Variants in FHL1 observed in about 807,000 individuals in gnomAD.
The protein encoded by FHL1 is four and a half LIM domains protein 1.
A neutral mutation model predicts 20.3 loss-of-function variants in FHL1; 1 was observed. The observed-to-expected ratio is 0.05, with a 90% CI of 0.02 to 0.23. The LOEUF (loss-of-function observed/expected upper bound fraction) is 0.23. FHL1 is among the 10% of genes least tolerant of loss of function. The pLI, the probability that FHL1 is intolerant of heterozygous loss-of-function variation, is 1.00. For synonymous variants in FHL1, 82 were observed against 88.9 expected (o/e 0.92, Z 0.44); for missense variants, 177 against 234.0 (o/e 0.76, Z 1.59).
chrX:136,187,700 G>T (rs944703239), intron 2 of FHL1, among the ~76,000 whole-genome samples: 2 of 111,389 alleles, frequency 1.8e-5, no homozygotes, highest in Non-Finnish European at 3.8e-5. Context: ...CCCACGGGGT[G>T]GGGGTGGGGT....
chrX:136,150,543 G>A (rs754311440), intron 1 of FHL1, among the ~76,000 whole-genome samples: 41 of 111,855 alleles, frequency 3.7e-4, no homozygotes, highest in Non-Finnish European at 7.1e-4. Context: ...GGGGTAAAAG[G>A]GAGTAGACTG....
rs772909951 is a variant in FHL1, at chrX:136,209,994, T to C, written c.860T>C (p.Val287Ala). 1 of 1,211,320 alleles carries C rather than the reference T, an allele frequency of 8.3e-7. No individual in the cohort carries two copies. The highest frequency in any genetic ancestry group is 1.8e-5 in the South Asian group (1 of 56,967). The change falls in exon 6 of 6, where the codon GTG (valine) becomes GCG (alanine). Residue 287 changes from valine (V) to alanine (A), a missense_variant. By Grantham distance (64) the Val-to-Ala change is moderately conservative (BLOSUM62 0). Coordinates refer to ENST00000370683, the MANE Select transcript of FHL1 (RefSeq NM_001159699.2). ...NKRFVFHQEQVYCPDCAKKL is the reference protein window; with the variant it reads ...NKRFVFHQEQAYCPDCAKKL ...CGCTTTGTTTTCCACCAGGAGCAAG[T>C]GTATTGTCCCGACTGTGCCAAAAAG...
upstream of FHL1, chrX:136,196,797 A>G: frequency 8.6e-7 from 1 of 1,166,027 alleles, no homozygotes; most frequent in Non-Finnish European, 1.1e-6. Context: ...TTATTCCGGT[A>G]CAGGGATGAC....
At chrX:136,170,114 C>T (rs2072822982) in intron 2 of FHL1, 4 of 275,394 alleles carry the variant, frequency 1.5e-5, no homozygotes, top group South Asian at 1.4e-4. Context: ...TTGACTCAAC[C>T]AATGTCACTG....
At chrX:136,168,267 G>A (rs1446932290), upstream of FHL1, 1 of 111,987 alleles carries the variant, frequency 8.9e-6, no homozygotes. Context: ...TGCACGAAAG[G>A]GTGTGGAATC....
chrX:136,169,182 T>C (rs2072790670), upstream of FHL1: 2 of 113,595 alleles, frequency 1.8e-5, no homozygotes, highest in Non-Finnish European at 3.7e-5. Flanking sequence ...GGTCGAGGGA[T>C]TGGGGGAGGA....
chrX:136,191,144 A>G (rs1344763144), intron 2 of FHL1, among the ~76,000 whole-genome samples: 1 of 111,580 alleles, frequency 9.0e-6, no homozygotes, highest in Non-Finnish European at 1.9e-5. Flanking sequence ...GTTTTCACAA[A>G]ACAGTGCCTG....
Position 136,206,502 on chromosome X carries a change from G to A in FHL1, c.118G>A (p.Gly40Ser), listed in dbSNP as rs772911535. 1 of 1,212,357 alleles carries A rather than the reference G, an allele frequency of 8.2e-7. No individual in the cohort carries two copies. Among genetic ancestry groups the A allele is most frequent in the Non-Finnish European group, 1.1e-6 (1 of 895,605 alleles). The part of the protein sequence containing the change: ...LQGKKYVQKD[G>S]HHCCLKCFDK... ...GGGGAAGAAGTATGTGCAAAAGGAT[G>A]GCCACCACTGCTGCCTGAAATGCTT... The change falls in exon 2 of 6, where the codon GGC becomes AGC. Residue 40 changes from glycine (G) to serine (S), a missense_variant. Physicochemically the swap from Gly to Ser is moderately conservative, Grantham distance 56. Transcript: ENST00000370683.
intron 1 of FHL1, among the ~76,000 whole-genome samples, chrX:136,162,172 G>T (rs1197650429): frequency 2.0e-5 from 2 of 99,906 alleles, no homozygotes; most frequent in Non-Finnish European, 4.0e-5. Context: ...AGCAAAGAAC[G>T]CCCATTCTAA....
chrX:136,179,064 C>T (rs1033731907), intron 2 of FHL1, among the ~76,000 whole-genome samples: 4 of 112,084 alleles, frequency 3.6e-5, no homozygotes, highest in Non-Finnish European at 5.6e-5. Context: ...GCCGATAGGA[C>T]CATTTCTGTA....
chrX:136,158,249 A>G (rs980540373), intron 1 of FHL1, among the ~76,000 whole-genome samples: 2 of 112,102 alleles, frequency 1.8e-5, no homozygotes, highest in African/African-American at 6.5e-5. Context: ...AGCTTTTCAT[A>G]TGCTGTTATT....
At chrX:136,196,802 G>C (rs771139347), upstream of FHL1, 5 of 1,166,551 alleles carry the variant, frequency 4.3e-6, no homozygotes, top group South Asian at 9.5e-5. Flanking sequence ...CCGGTACAGG[G>C]ATGACTTTCT....
chrX:136,207,180 C>T lies in FHL1; in HGVS notation c.369C>T (p.Ala123=), dbSNP rs757140452. Residue 123 remains alanine (A), a synonymous_variant, in exon 3 of 6, where the codon GCC becomes GCT. Transcript: ENST00000370683. ...CCAAGTGCAAGGGGTGCTTCAAGGC[C>T]ATTGTGGCAGGTACTGCCTCCTTCC... ...DSPKCKGCFK[A]IVAGDQNVEY... is the part of the protein sequence containing the mutation. The T allele has an allele frequency of 5.8e-6, 7 of 1,202,608 alleles. No individual in the cohort carries two copies. In the South Asian group the frequency reaches 1.3e-4, roughly 21 times the overall value.
intron 1 of FHL1, among the ~76,000 whole-genome samples, chrX:136,201,564 A>G (rs1336160127): frequency 9.0e-6 from 1 of 111,412 alleles, no homozygotes; most frequent in African/African-American, 3.3e-5. Context: ...GCTGAGCATC[A>G]GTTTCAGGTG....
At chrX:136,187,344 CA>C (rs1008215185) in intron 2 of FHL1, among the ~76,000 whole-genome samples, 73 of 108,801 alleles carry the variant, frequency 6.7e-4, no homozygotes, top group Non-Finnish European at 1.3e-3. Flanking sequence ...TAAACCCATG[CA>C]AAAAAAAGAA....
At chrX:136,165,724 C>T (rs929696834), upstream of FHL1, among the ~76,000 whole-genome samples, 2 of 111,911 alleles carry the variant, frequency 1.8e-5, no homozygotes, top group South Asian at 7.5e-4. Context: ...TTCTTTTCCA[C>T]GTAATTCACA....
At chrX:136,207,319 A>G (rs1318764033) in intron 3 of FHL1, 129 bp downstream of exon 3, 3 of 588,622 alleles carry the variant, frequency 5.1e-6, no homozygotes, top group Non-Finnish European at 8.1e-6. Context: ...ATATATGTAC[A>G]CATATACATA....
intron 1 of FHL1, among the ~76,000 whole-genome samples, chrX:136,157,882 T>G (rs1009918828): frequency 8.9e-6 from 1 of 111,995 alleles, no homozygotes; most frequent in Non-Finnish European, 1.9e-5. Context: ...TGAAGAGAAA[T>G]TACAGCCAAG....
At chrX:136,209,334 T>C in intron 5 of FHL1, 1 of 1,211,046 alleles carries the variant, frequency 8.3e-7, no homozygotes, top group Non-Finnish European at 1.1e-6. Flanking sequence ...TCACCCTGTT[T>C]CCCAGCGCCA....
Sources: allele counts gnomAD v4.1 joint callset (sites outside exome capture counted in the v4.1 genomes callset), GRCh38; gene constraint gnomAD v4.1.1; transcripts MANE v1.5; gene names NCBI Gene and HGNC (gene_info 2026-07-23, HGNC 2026-07-21).